Variants in NRXN3 observed in about 807,000 individuals in gnomAD.
NRXN3 encodes neurexin III.
NRXN3 carries 32 observed loss-of-function variants against 137.6 expected under a neutral mutation model. The observed-to-expected ratio is 0.23, with a 90% CI of 0.18 to 0.31. The LOEUF (loss-of-function observed/expected upper bound fraction) is 0.31, where lower values mean the gene tolerates loss of function less well. NRXN3 is among the 10% of genes least tolerant of loss of function. The probability of loss-of-function intolerance (pLI) is 1.00; values close to 1 mark genes in which losing one functional copy is unlikely to be tolerated. For synonymous variants in NRXN3, 798 were observed against 784.5 expected (o/e 1.02, Z -0.29); for missense variants, 1,574 against 2,062.5 (o/e 0.76, Z 4.59).
intron 4 of NRXN3, among the ~76,000 whole-genome samples, chr14:78,304,486 C>T (rs1448162159): frequency 2.0e-5 from 3 of 152,148 alleles, no homozygotes; most frequent in East Asian, 3.9e-4. Context: ...CAGAAACAAG[C>T]GTGAACTTAC....
At chr14:78,350,237 C>T (rs569736182) in intron 4 of NRXN3, among the ~76,000 whole-genome samples, 18 of 151,542 alleles carry the variant, frequency 1.2e-4, no homozygotes, top group East Asian at 5.8e-4. Flanking sequence ...TGCAGTGAGC[C>T]GAGGTCATGC....
chr14:79,609,737 A>T (rs943026068), intron 16 of NRXN3, among the ~76,000 whole-genome samples: 1 of 152,184 alleles, frequency 6.6e-6, no homozygotes, highest in Non-Finnish European at 1.5e-5. Context: ...TATACCAGAC[A>T]CTTTATTAGC....
chr14:79,348,436 C>T lies in NRXN3; in HGVS notation c.3263-118785C>T, dbSNP rs866068901. Among the ~76,000 whole-genome samples the T allele has an allele frequency of 7.5e-5, 11 of 146,888 alleles. No individual in the cohort carries two copies. The South Asian group carries it at 8.6e-4, about 11-fold the overall frequency. On this transcript the variant is annotated intron_variant, in intron 15 of 20. Transcript: ENST00000335750. Reference sequence around the variant, plus strand: ...TGTCGCCCAGGCTGGAGTGCAGTGGCGCGATCTCTGCCCACTGCAAGCTCC... The same window carrying T: ...TGTCGCCCAGGCTGGAGTGCAGTGGTGCGATCTCTGCCCACTGCAAGCTCC...
chr14:79,279,974 C>T (rs2080987367), intron 15 of NRXN3: 6 of 1,151,266 alleles, frequency 5.2e-6, no homozygotes, highest in Non-Finnish European at 6.4e-6. Context: ...CCGGAGGAAG[C>T]CGCGCCGGTC....
intron 4 of NRXN3, among the ~76,000 whole-genome samples, chr14:78,575,379 T>A (rs541098172): frequency 6.6e-6 from 1 of 152,196 alleles, no homozygotes; most frequent in East Asian, 1.9e-4. Context: ...CAAAAATGAG[T>A]ACCTGAATGA....
At chr14:79,365,872 T>C (rs1207837442) in intron 15 of NRXN3, among the ~76,000 whole-genome samples, 2 of 152,118 alleles carry the variant, frequency 1.3e-5, no homozygotes, top group East Asian at 3.9e-4. Context: ...GTATAATGTA[T>C]GTTAAAATTG....
intron 2 of NRXN3, among the ~76,000 whole-genome samples, chr14:78,251,350 G>A (rs972182836): frequency 1.3e-5 from 2 of 152,190 alleles, no homozygotes; most frequent in Non-Finnish European, 1.5e-5. Context: ...TTACAGAGGT[G>A]GATTTACCAT....
chr14:79,533,460 G>A (rs538734000), intron 16 of NRXN3, among the ~76,000 whole-genome samples: 23 of 152,240 alleles, frequency 1.5e-4, no homozygotes, highest in African/African-American at 4.1e-4. Flanking sequence ...GGTGTGATTT[G>A]GGGTTTTAAG....
chr14:78,651,020 A>C, intron 5 of NRXN3, 145 bp from the exon 6 acceptor site: 1 of 783,316 alleles, frequency 1.3e-6, no homozygotes, highest in Non-Finnish European at 2.0e-6. Flanking sequence ...ACTTGGCTGC[A>C]CATACCAAAA....
chr14:78,580,697 T>G (rs1332857546), intron 4 of NRXN3, among the ~76,000 whole-genome samples: 8 of 152,204 alleles, frequency 5.3e-5, no homozygotes, highest in Non-Finnish European at 7.3e-5. Context: ...GAATCTCAAA[T>G]AGTGTCCTTC....
At chr14:79,567,794 G>A (rs143769081) in intron 16 of NRXN3, among the ~76,000 whole-genome samples, 1 of 151,980 alleles carries the variant, frequency 6.6e-6, no homozygotes, top group African/African-American at 2.4e-5. Flanking sequence ...TTTGTCAATC[G>A]AGCATACAGA....
At chr14:78,990,727 A>T (rs935283808) in intron 15 of NRXN3, among the ~76,000 whole-genome samples, 1 of 152,180 alleles carries the variant, frequency 6.6e-6, no homozygotes, top group African/African-American at 2.4e-5. Flanking sequence ...AAGTTTGAAT[A>T]TAAACTTTTA....
intron 2 of NRXN3, 32 bp from the exon 3 acceptor site, chr14:78,278,613 C>A (rs922208332): frequency 6.5e-7 from 1 of 1,527,080 alleles, no homozygotes; most frequent in Non-Finnish European, 8.8e-7. Flanking sequence ...TCTCCTCTCT[C>A]CCTTTCCCTC....
chr14:79,481,010 A>C (rs752362489), intron 16 of NRXN3, among the ~76,000 whole-genome samples: 43 of 152,134 alleles, frequency 2.8e-4, no homozygotes, highest in Non-Finnish European at 5.9e-4. Flanking sequence ...AAGGACTAAT[A>C]CACTTACTTT....
chr14:78,354,787 A>G (rs1263141115), intron 4 of NRXN3, among the ~76,000 whole-genome samples: 1 of 152,236 alleles, frequency 6.6e-6, no homozygotes, highest in Non-Finnish European at 1.5e-5. Flanking sequence ...AAGAAGGTTT[A>G]TGTGCTCTCT....
intron 10 of NRXN3, among the ~76,000 whole-genome samples, chr14:78,874,722 T>C (rs768230557): frequency 4.6e-5 from 7 of 152,134 alleles, no homozygotes; most frequent in Non-Finnish European, 8.8e-5. Flanking sequence ...AATCTCCAGC[T>C]CTCTCTTTGC....
chr14:78,820,088 G>A (rs956251139), intron 10 of NRXN3, among the ~76,000 whole-genome samples: 1 of 151,962 alleles, frequency 6.6e-6, no homozygotes, highest in African/African-American at 2.4e-5. Flanking sequence ...TGACCTCTAT[G>A]CGGTGTAGGA....
intron 10 of NRXN3, among the ~76,000 whole-genome samples, chr14:78,874,126 C>T (rs1044359390): frequency 3.9e-5 from 6 of 151,934 alleles, no homozygotes; most frequent in African/African-American, 1.2e-4. Context: ...AATGCACCAC[C>T]ATGTCCGGCT....
intron 10 of NRXN3, among the ~76,000 whole-genome samples, chr14:78,952,164 A>C (rs1036372829): frequency 4.6e-5 from 7 of 152,210 alleles, no homozygotes; most frequent in African/African-American, 1.7e-4. Flanking sequence ...TAAGTACTCC[A>C]GTAAGAATGA....
Sources: gnomAD v4.1 joint callset for allele counts (sites outside exome capture counted in the v4.1 genomes callset) on GRCh38, gnomAD v4.1.1 for gene constraint, MANE v1.5 for transcripts, NCBI Gene and HGNC (gene_info 2026-07-23, HGNC 2026-07-21) for gene names.